The following SP100 variants were observed in gnomAD, a reference collection of about 807,000 sequenced individuals.
SP100 encodes the protein nuclear autoantigen Sp-100.
Under a neutral mutation model 130.0 loss-of-function variants are expected in SP100, and 84 were observed. The observed-to-expected ratio is 0.65, with a 90% CI of 0.54 to 0.77. The LOEUF is 0.77. SP100 is among the 30% of genes least tolerant of loss of function. The probability of loss-of-function intolerance (pLI) is 0.00; values close to 1 mark genes in which losing one functional copy is unlikely to be tolerated. For missense variants in SP100, 978 were observed against 1,052.2 expected (o/e 0.93, Z 0.97); for synonymous variants, 331 against 351.7 (o/e 0.94, Z 0.66).
At chr2:230,466,975 A>C in intron 12 of SP100, 145 bp from the exon 13 acceptor site, 1 of 567,850 alleles carries the variant, frequency 1.8e-6, no homozygotes, top group South Asian at 1.9e-5. Flanking sequence ...AAGGCAGATC[A>C]TGGAGGTTTG....
chr2:230,469,803 C>G (rs867343735), intron 14 of SP100: 1 of 1,437,110 alleles, frequency 7.0e-7, no homozygotes. Flanking sequence ...GAAGAAGAAA[C>G]AATGTCATCC....
chr2:230,433,530 G>A (rs1397162595), intron 2 of SP100, among the ~76,000 whole-genome samples: 1 of 151,988 alleles, frequency 6.6e-6, no homozygotes, highest in African/African-American at 2.4e-5. Context: ...TTCTGCAAAA[G>A]GCCATTGGAG....
intron 24 of SP100, among the ~76,000 whole-genome samples, chr2:230,512,806 A>G (rs1312091473): frequency 1.3e-5 from 2 of 152,346 alleles, no homozygotes; most frequent in Non-Finnish European, 2.9e-5. Context: ...ACCATCAAGT[A>G]GAATCAGTGG....
intron 24 of SP100, among the ~76,000 whole-genome samples, chr2:230,516,815 A>G (rs1003781170): frequency 2.0e-5 from 3 of 152,214 alleles, no homozygotes; most frequent in African/African-American, 7.2e-5. Flanking sequence ...CCAATTGACA[A>G]GGAAATTTAG....
chr2:230,462,533 G>A lies in SP100; in HGVS notation c.1057+15G>A. The A allele has an allele frequency of 6.3e-7, 1 of 1,594,736 alleles. No homozygotes were observed. The highest frequency in any genetic ancestry group is 8.6e-7 in the Non-Finnish European group (1 of 1,162,550). ...AAGTGAGCCTGGTAAGGAAGTTTGG[G>A]AGAGCAAGGCTTGGGCTGTGGGAAT... On this transcript the variant is annotated intron_variant, in intron 10 of 28. Transcript: ENST00000340126.
At chr2:230,536,031 C>A (rs1201392737) in intron 24 of SP100, among the ~76,000 whole-genome samples, 1 of 151,542 alleles carries the variant, frequency 6.6e-6, no homozygotes, top group Non-Finnish European at 1.5e-5. Flanking sequence ...TCCAGCAAAG[C>A]CAGTTTAAGA....
At chr2:230,455,679 T>A (rs1351598054) in intron 8 of SP100, among the ~76,000 whole-genome samples, 1 of 152,212 alleles carries the variant, frequency 6.6e-6, no homozygotes, top group African/African-American at 2.4e-5. Context: ...TTTCTGGTTG[T>A]CTGTAGATTC....
intron 17 of SP100, among the ~76,000 whole-genome samples, chr2:230,488,781 T>C (rs891533578): frequency 4.6e-5 from 7 of 152,248 alleles, no homozygotes; most frequent in African/African-American, 1.7e-4. Context: ...GAGATAATCA[T>C]GTGGTTTTTG....
chr2:230,530,633 T>C (rs1691658475), intron 24 of SP100, among the ~76,000 whole-genome samples: 1 of 152,062 alleles, frequency 6.6e-6, no homozygotes, highest in African/African-American at 2.4e-5. Context: ...ATCATCAGAG[T>C]GAACAGGCAA....
rs527766223 is a variant in SP100, at chr2:230,498,373, T to C, written c.1646-88T>C. ...CTTTGTGTGTTAGGCTCTGGAAAAG[T>C]TATAGCTAAATAAAATTTTTGAAAG... On this transcript the variant is annotated intron_variant, in intron 18 of 28. Transcript: ENST00000340126. The C allele has an allele frequency of 4.4e-6, 3 of 680,798 alleles. No individual in the cohort carries two copies. In the South Asian group the frequency reaches 7.8e-5, roughly 18 times the overall value. 42.2% of individuals were successfully genotyped at this position (680,798 alleles called of 1,614,324 possible).
intron 24 of SP100, among the ~76,000 whole-genome samples, chr2:230,536,229 G>T (rs2150113088): frequency 6.6e-6 from 1 of 152,200 alleles, no homozygotes; most frequent in African/African-American, 2.4e-5. Context: ...TTTGATTTTT[G>T]GGTGGCTATG....
chr2:230,471,590 T>C (rs3769854), intron 15 of SP100, among the ~76,000 whole-genome samples: 35,539 of 151,928 alleles, frequency 0.23, 5,039 homozygotes, highest in Middle Eastern at 0.33. Context: ...GGAGGAAAAG[T>C]TCTTTTTTCT....
At chr2:230,497,544 GAGGAA>G (rs1231660014) in intron 18 of SP100, among the ~76,000 whole-genome samples, 225 of 19,270 alleles carry the variant, frequency 0.012, 9 homozygotes, top group Middle Eastern at 0.065. Context: ...GAGGAGAGGA[GAGGAA>G]AGGAAAGGAA....
intron 2 of SP100, among the ~76,000 whole-genome samples, chr2:230,432,953 A>C (rs188819191): frequency 5.3e-5 from 8 of 152,278 alleles, no homozygotes; most frequent in African/African-American, 1.9e-4. Flanking sequence ...CAAAAGTCTT[A>C]TCATTTTTGC....
At chr2:230,435,551 C>T (rs1297836001) in intron 2 of SP100, among the ~76,000 whole-genome samples, 3 of 152,042 alleles carry the variant, frequency 2.0e-5, no homozygotes, top group Middle Eastern at 6.9e-3. Context: ...TTATTTGATT[C>T]AGCTTTTTTT....
intron 24 of SP100, among the ~76,000 whole-genome samples, chr2:230,522,089 C>G (rs944499708): frequency 3.3e-5 from 5 of 152,074 alleles, no homozygotes; most frequent in South Asian, 2.1e-4. Context: ...AGGTACCAGA[C>G]AGTGGGATTG....
At chr2:230,423,151 G>A (rs1559479582) in intron 2 of SP100, among the ~76,000 whole-genome samples, 2 of 152,170 alleles carry the variant, frequency 1.3e-5, no homozygotes, top group Non-Finnish European at 2.9e-5. Flanking sequence ...TTAGGAGAAA[G>A]CAGATTAGTG....
rs769353289 is a variant in SP100 at position 230,442,981 on chromosome 2, A to C, written c.152A>C (p.Asp51Ala). Residue 51 changes from aspartate to alanine, a missense_variant, in exon 3 of 29, where the codon GAC becomes GCC. Asp to Ala is a moderately radical substitution (Grantham distance 126, BLOSUM62 -2). Coordinates refer to ENST00000340126, the MANE Select transcript of SP100 (RefSeq NM_001080391.2). The stretch of plus-strand genomic sequence containing the variant: ...GGTGTAGATGACAGGCTGCTCTATG[A>C]CATTGTATTCAAGCACTTCAAAAGA... ...DQGVDDRLLY[D>A]IVFKHFKRNK... 3 of 1,613,246 alleles carry C rather than the reference A, an allele frequency of 1.9e-6. No homozygotes were observed. The highest frequency in any genetic ancestry group is 8.5e-7 in the Non-Finnish European group (1 of 1,179,622).
At chr2:230,439,291 A>G (rs544655795) in intron 2 of SP100, among the ~76,000 whole-genome samples, 20 of 152,038 alleles carry the variant, frequency 1.3e-4, no homozygotes, top group Admixed American at 5.2e-4. Context: ...CCCTTTTTTG[A>G]TTCCATATGA....
Sources: allele counts gnomAD v4.1 joint callset (sites outside exome capture counted in the v4.1 genomes callset), GRCh38; gene constraint gnomAD v4.1.1; transcripts MANE v1.5; gene names NCBI Gene and HGNC (gene_info 2026-07-23, HGNC 2026-07-21).